Variants in KCNMB2 observed in about 807,000 individuals in gnomAD.
The protein encoded by KCNMB2 is potassium calcium-activated channel subfamily M regulatory beta subunit 2, also known as calcium-activated potassium channel subunit beta-2.
KCNMB2 carries 9 observed loss-of-function variants against 24.5 expected under a neutral mutation model. The ratio of observed to expected loss-of-function variants is 0.37; its 90% CI spans 0.22 to 0.64. The LOEUF (loss-of-function observed/expected upper bound fraction) is 0.64, where lower values mean the gene tolerates loss of function less well. KCNMB2 is among the 30% of genes least tolerant of loss of function. The pLI, the probability that KCNMB2 is intolerant of heterozygous loss-of-function variation, is 0.63. For synonymous variants in KCNMB2, 109 were observed against 104.4 expected (o/e 1.04, Z -0.27); for missense variants, 226 against 284.3 (o/e 0.79, Z 1.47).
chr3:178,640,180 T>C (rs1443454280), intron 1 of KCNMB2, among the ~76,000 whole-genome samples: 3 of 152,220 alleles, frequency 2.0e-5, no homozygotes, highest in Non-Finnish European at 2.9e-5. Context: ...TCTCTATTGG[T>C]AACTGTATTC....
rs143497368 is a variant in KCNMB2 at position 178,553,147 on chromosome 3, C to G, written c.-68+16436C>G. ...AATGAAATTTCACCCGAACCTTCAC[C>G]TGAAACTTGAACTTCTAAATTGCAG... On this transcript the variant is annotated intron_variant, in intron 1 of 4. Coordinates refer to ENST00000452583, the MANE Select transcript of KCNMB2 (RefSeq NM_181361.3). Among the ~76,000 whole-genome samples the G allele has an allele frequency of 7.9e-5, 12 of 152,280 alleles. No individual in the cohort carries two copies. The East Asian group carries it at 2.3e-3, about 29-fold the overall frequency.
intron 1 of KCNMB2, among the ~76,000 whole-genome samples, chr3:178,638,655 A>G (rs933948481): frequency 2.0e-5 from 3 of 152,208 alleles, no homozygotes; most frequent in African/African-American, 7.2e-5. Context: ...TGTCTTGTAT[A>G]TATTTTGGCC....
chr3:178,630,676 T>C (rs1009373695), intron 1 of KCNMB2, among the ~76,000 whole-genome samples: 1 of 152,246 alleles, frequency 6.6e-6, no homozygotes, highest in African/African-American at 2.4e-5. Flanking sequence ...ACAGATACCA[T>C]GCCATTCCCT....
At chr3:178,672,842 T>G (rs1281121078) in intron 1 of KCNMB2, among the ~76,000 whole-genome samples, 3 of 152,184 alleles carry the variant, frequency 2.0e-5, no homozygotes, top group African/African-American at 2.4e-5. Context: ...TTGTCCATCT[T>G]CCTATCTCAG....
chr3:178,625,713 G>C (rs1240228258), intron 1 of KCNMB2, among the ~76,000 whole-genome samples: 1 of 152,152 alleles, frequency 6.6e-6, no homozygotes, highest in Non-Finnish European at 1.5e-5. Flanking sequence ...AGGCAGCCTT[G>C]GTGAAGTCAT....
intron 1 of KCNMB2, among the ~76,000 whole-genome samples, chr3:178,805,630 TTC>T (rs1713935378): frequency 6.6e-6 from 1 of 152,058 alleles, no homozygotes; most frequent in South Asian, 2.1e-4. Flanking sequence ...ACAAATCTTT[TTC>T]TTTTTTTTTT....
chr3:178,670,805 G>C (rs1371644441), intron 1 of KCNMB2, among the ~76,000 whole-genome samples: 7 of 152,144 alleles, frequency 4.6e-5, no homozygotes, highest in Non-Finnish European at 8.8e-5. Flanking sequence ...GAAGCCGGGA[G>C]AGGTGATGTG....
chr3:178,687,689 G>C (rs951149950), intron 1 of KCNMB2, among the ~76,000 whole-genome samples: 1 of 152,030 alleles, frequency 6.6e-6, no homozygotes, highest in African/African-American at 2.4e-5. Flanking sequence ...TGCTGCTTTT[G>C]TTCATGAGCA....
At chr3:178,697,926 G>A (rs1320141798) in intron 1 of KCNMB2, among the ~76,000 whole-genome samples, 1 of 151,954 alleles carries the variant, frequency 6.6e-6, no homozygotes, top group Admixed American at 6.6e-5. Context: ...TTGAATATTG[G>A]TCCCCAATCT....
chr3:178,817,411 G>A (rs753798761), intron 2 of KCNMB2, among the ~76,000 whole-genome samples: 1 of 152,062 alleles, frequency 6.6e-6, no homozygotes, highest in Non-Finnish European at 1.5e-5. Flanking sequence ...GAGGATATAT[G>A]TAAAAGAAGC....
At chr3:178,803,070 C>A (rs1044482781) in intron 1 of KCNMB2, among the ~76,000 whole-genome samples, 1 of 152,074 alleles carries the variant, frequency 6.6e-6, no homozygotes, top group Non-Finnish European at 1.5e-5. Context: ...AACACTTTTA[C>A]ATGTATTGTT....
At chr3:178,806,711 ATAAT>A (rs1713985653) in intron 1 of KCNMB2, among the ~76,000 whole-genome samples, 2 of 151,172 alleles carry the variant, frequency 1.3e-5, no homozygotes, top group Admixed American at 6.6e-5. Context: ...AATAATAATA[ATAAT>A]AACCCACAAC....
chr3:178,748,278 T>A (rs1343622312), intron 1 of KCNMB2: 1 of 152,236 alleles, frequency 6.6e-6, no homozygotes, highest in African/African-American at 2.4e-5. Context: ...ATAAGTGTTT[T>A]GTTCACCCAA....
At chr3:178,707,725 C>T (rs1335638271) in intron 1 of KCNMB2, among the ~76,000 whole-genome samples, 4 of 152,036 alleles carry the variant, frequency 2.6e-5, no homozygotes, top group African/African-American at 7.3e-5. Context: ...TAAATGGGAG[C>T]CATTAGACTG....
chr3:178,827,653 T>G (rs1360723814), intron 3 of KCNMB2, among the ~76,000 whole-genome samples: 3 of 152,242 alleles, frequency 2.0e-5, no homozygotes, highest in Admixed American at 2.0e-4. Context: ...TAAGGCATTC[T>G]GTCACTGTCC....
intron 1 of KCNMB2, among the ~76,000 whole-genome samples, chr3:178,563,499 C>T (rs533718917): frequency 1.3e-5 from 2 of 152,196 alleles, no homozygotes; most frequent in Admixed American, 6.5e-5. Context: ...TCGAAGGTAG[C>T]TTATAAACCT....
At position 178,668,569 on chromosome 3, in the gene KCNMB2, G is replaced by A. The variant is rs946340000; in HGVS notation, c.-68+131858G>A. Among the ~76,000 whole-genome samples the A allele has an allele frequency of 5.3e-5, 8 of 152,248 alleles. No individual in the cohort carries two copies. The South Asian group carries it at 1.5e-3, about 28-fold the overall frequency. ...AAATGTCAGGGGGCTGAGCTTGGAA[G>A]CTCTTTAAAGTCATGAAGTAATGAA... On this transcript the variant is annotated intron_variant, in intron 1 of 4. Transcript: ENST00000452583.
chr3:178,553,882 T>C (rs1716039673), intron 1 of KCNMB2, among the ~76,000 whole-genome samples: 1 of 151,886 alleles, frequency 6.6e-6, no homozygotes, highest in Non-Finnish European at 1.5e-5. Context: ...TCGGTTTTCC[T>C]AAAAATAAAA....
chr3:178,593,919 T>A (rs1274029304), intron 1 of KCNMB2, among the ~76,000 whole-genome samples: 3 of 150,380 alleles, frequency 2.0e-5, no homozygotes, highest in Non-Finnish European at 4.4e-5. Context: ...ATTACCTGAC[T>A]AAGCTTTTAT....
Sources: allele counts gnomAD v4.1 joint callset (sites outside exome capture counted in the v4.1 genomes callset), GRCh38; gene constraint gnomAD v4.1.1; transcripts MANE v1.5; gene names NCBI Gene and HGNC (gene_info 2026-07-23, HGNC 2026-07-21).